Variants in NDUFB6 observed in about 807,000 individuals in gnomAD.
NDUFB6 encodes NADH dehydrogenase [ubiquinone] 1 beta subcomplex subunit 6.
In NDUFB6, 23 loss-of-function variants were observed where a neutral mutation model predicts 17.5. The ratio of observed to expected loss-of-function variants is 1.31; its 90% CI spans 0.94 to 1.86. The LOEUF is 1.86. Ranked by LOEUF, NDUFB6 falls within the 40% of genes most tolerant of loss-of-function variation. The pLI is 0.00. For missense variants in NDUFB6, 167 were observed against 153.8 expected, an observed-to-expected ratio of 1.09 and a Z score of -0.46; for synonymous variants, 60 against 53.5, an observed-to-expected ratio of 1.12 and a Z score of -0.53.
At chr9:32,567,025 G>A (rs1248420027) in intron 2 of NDUFB6, 1 of 501,884 alleles carries the variant, frequency 2.0e-6, no homozygotes, top group Non-Finnish European at 4.0e-6. Flanking sequence ...AGAAGCAGAG[G>A]TAGCCCTTGC....
chr9:32,556,335 A>G (rs1051802220), intron 3 of NDUFB6, among the ~76,000 whole-genome samples: 22 of 152,200 alleles, frequency 1.4e-4, no homozygotes, highest in African/African-American at 5.1e-4. Flanking sequence ...CTAAGCTTAG[A>G]TCCTAAAAAT....
At chr9:32,560,745 T>C (rs1205097527) in intron 2 of NDUFB6, among the ~76,000 whole-genome samples, 1 of 152,226 alleles carries the variant, frequency 6.6e-6, no homozygotes, top group Non-Finnish European at 1.5e-5. Context: ...GTAAATGGAA[T>C]TGTTTCAGAA....
intron 1 of NDUFB6, among the ~76,000 whole-genome samples, chr9:32,571,988 C>G (rs1209987657): frequency 6.6e-6 from 1 of 152,168 alleles, no homozygotes; most frequent in Non-Finnish European, 1.5e-5. Context: ...ATATTCAATT[C>G]CTAGCTCCCT....
Position 32,553,779 on chromosome 9 carries a change from T to C in NDUFB6, c.*97A>G, listed in dbSNP as rs1821373489. 1.2e-6 allele frequency: 1 copy of C among 807,940 alleles called. No individual in the cohort carries two copies. The highest frequency in any genetic ancestry group is 2.4e-5 in the Admixed American group (1 of 42,268). 50.0% of individuals were successfully genotyped at this position (807,940 alleles called of 1,614,324 possible). A position where few individuals can be genotyped will look rare whatever the true frequency, so the allele number is the denominator to read the frequency against. Reference sequence around the variant, plus strand: ...AAACAGATATGACAATTTCTGAGATTAAACTTTATTAAAGTTACTTTTCCA... The same window carrying C: ...AAACAGATATGACAATTTCTGAGATCAAACTTTATTAAAGTTACTTTTCCA... On this transcript the variant is annotated 3_prime_UTR_variant, in exon 4 of 4. Transcript: ENST00000379847.
chr9:32,560,242 G>A (rs1821588505), intron 2 of NDUFB6, among the ~76,000 whole-genome samples: 1 of 152,166 alleles, frequency 6.6e-6, no homozygotes, highest in Admixed American at 6.5e-5. Context: ...GACCTCTACT[G>A]ACACAAAATG....
At position 32,553,135 on chromosome 9, in the gene NDUFB6, C is replaced by T. The variant is rs377486383; in HGVS notation, c.*741G>A. 131 of 445,518 alleles carry T rather than the reference C, an allele frequency of 2.9e-4. 2 individuals carry two copies. The South Asian group carries it at 4.9e-3, about 17-fold the overall frequency. The allele number at this position is 445,518 out of a possible 1,614,324, so 27.6% of individuals were successfully genotyped here. ...ACCTAAATCTGACAGTCTTGAGTGT[C>T]AGATCATAGTTGGAATAAGCTTTTC... On this transcript the variant is annotated 3_prime_UTR_variant, in exon 4 of 4. Coordinates refer to ENST00000379847, the MANE Select transcript of NDUFB6 (RefSeq NM_002493.5).
In NDUFB6 at chr9:32,566,063, G is replaced by C. The variant is rs1821777456; in HGVS notation, c.273+4897C>G. On this transcript the variant is annotated intron_variant, in intron 2 of 3. Coordinates refer to ENST00000379847, the MANE Select transcript of NDUFB6 (RefSeq NM_002493.5). ...TTAAGGTTTTTTCCAGGAGCTACTG[G>C]AGTGACCAAAAAAAAAAAAAGGCAC... The C allele has an allele frequency of 1.2e-5, 5 of 411,120 alleles. No individual in the cohort carries two copies. The South Asian group carries it at 1.3e-4, about 10-fold the overall frequency. 25.5% of individuals were successfully genotyped at this position (411,120 alleles called of 1,614,324 possible).
intron 3 of NDUFB6, 124 bp downstream of exon 3, chr9:32,558,786 A>G: frequency 1.7e-6 from 1 of 602,934 alleles, no homozygotes; most frequent in Admixed American, 2.9e-5. Context: ...AGAATACACA[A>G]AACAGGGACT....
chr9:32,567,442 C>A, intron 2 of NDUFB6: 1 of 453,078 alleles, frequency 2.2e-6, no homozygotes, highest in Non-Finnish European at 4.5e-6. Flanking sequence ...GATTCTCCTG[C>A]CTCAGCCTCC....
At chr9:32,563,526 G>A (rs1425810263) in intron 2 of NDUFB6, among the ~76,000 whole-genome samples, 1 of 136,502 alleles carries the variant, frequency 7.3e-6, no homozygotes, top group Non-Finnish European at 1.6e-5. Flanking sequence ...GTCTCATTAT[G>A]TTGCCCAGGT....
intron 2 of NDUFB6, chr9:32,568,748 A>ATATATATATTTTTT (rs1213123923): frequency 1.7e-5 from 2 of 114,362 alleles, no homozygotes; most frequent in African/African-American, 7.9e-5. Flanking sequence ...ATATATATAT[A>ATATATATATTTTTT]TTTTTTTTTT....
intron 3 of NDUFB6, among the ~76,000 whole-genome samples, 181 bp from the exon 4 acceptor site, chr9:32,554,125 T>C (rs1199046131): frequency 1.3e-5 from 2 of 152,176 alleles, no homozygotes; most frequent in African/African-American, 4.8e-5. Context: ...TTCAAAATTT[T>C]AAGGTATAGT....
intron 2 of NDUFB6, chr9:32,566,137 G>T (rs1349212874): frequency 1.6e-6 from 1 of 635,806 alleles, no homozygotes; most frequent in Non-Finnish European, 2.8e-6. Context: ...CGAGAATATG[G>T]TGTGTATATG....
Position 32,570,880 on chromosome 9 carries a change from C to T in NDUFB6, c.273+80G>A, listed in dbSNP as rs1821920783. 55 of 880,250 alleles carry T rather than the reference C, an allele frequency of 6.2e-5. No homozygotes were observed. The South Asian group carries it at 1.1e-3, about 17-fold the overall frequency. The allele number at this position is 880,250 out of a possible 1,614,324, so 54.5% of individuals were successfully genotyped here. ...TCTGTTTATAAGTGGCAGATTATTT[C>T]CACTAAGTAGGGTAAGATAGCCACA... On this transcript the variant is annotated intron_variant, in intron 2 of 3. Transcript: ENST00000379847.
rs1284381716 is a variant in NDUFB6, at chr9:32,553,431, T to G, written c.*445A>C. 1.1e-5 allele frequency: 2 copies of G among 178,250 alleles called. No homozygotes were observed. The highest frequency in any genetic ancestry group is 3.5e-4 in the East Asian group (2 of 5,698). 11.0% of individuals were successfully genotyped at this position (178,250 alleles called of 1,614,324 possible). ...GTCTCGATCTCCTGACTTCGTGATC[T>G]GCCCGCCTCGGCCTCCCAAAGTGCT... On this transcript the variant is annotated 3_prime_UTR_variant, in exon 4 of 4. Transcript: ENST00000379847.
Position 32,553,793 on chromosome 9 carries a change from G to T in NDUFB6, c.*83C>A. ...ATTTCTGAGATTAAACTTTATTAAA[G>T]TTACTTTTCCAGAAAATTCAGTAAA... On this transcript the variant is annotated 3_prime_UTR_variant, in exon 4 of 4. Coordinates refer to ENST00000379847, the MANE Select transcript of NDUFB6 (RefSeq NM_002493.5). 1.1e-6 allele frequency: 1 copy of T among 918,688 alleles called. No homozygotes were observed. Among genetic ancestry groups the T allele is most frequent in the South Asian group, 1.5e-5 (1 of 68,648 alleles). 56.9% of individuals were successfully genotyped at this position (918,688 alleles called of 1,614,324 possible). A position where few individuals can be genotyped will look rare whatever the true frequency, so the allele number is the denominator to read the frequency against.
intron 3 of NDUFB6, 90 bp from the exon 4 acceptor site, chr9:32,554,034 G>T (rs1297194988): frequency 1.3e-6 from 1 of 777,406 alleles, no homozygotes; most frequent in Non-Finnish European, 2.1e-6. Context: ...GATCTCACAT[G>T]GAAAATGTAC....
chr9:32,569,599 G>A (rs1287131934), intron 2 of NDUFB6, among the ~76,000 whole-genome samples: 1 of 152,264 alleles, frequency 6.6e-6, no homozygotes, highest in Middle Eastern at 3.4e-3. Flanking sequence ...TTGCAGCCTC[G>A]AAATCCTGGG....
chr9:32,570,066 C>A (rs1821905710), intron 2 of NDUFB6, among the ~76,000 whole-genome samples: 1 of 152,162 alleles, frequency 6.6e-6, no homozygotes, highest in South Asian at 2.1e-4. Context: ...CATCTCCTGT[C>A]ACCACAACCA....
Sources: allele counts gnomAD v4.1 joint callset (sites outside exome capture counted in the v4.1 genomes callset), GRCh38; gene constraint gnomAD v4.1.1; transcripts MANE v1.5; gene names NCBI Gene and HGNC (gene_info 2026-07-23, HGNC 2026-07-21).